PTPRG: variants seen among roughly 807,000 people sequenced by gnomAD.
The protein encoded by PTPRG is receptor-type tyrosine-protein phosphatase gamma.
In PTPRG, 102 loss-of-function variants were observed where a neutral mutation model predicts 165.3. The observed-to-expected ratio is 0.62, with a 90% CI of 0.53 to 0.73. The LOEUF (loss-of-function observed/expected upper bound fraction) is 0.73. PTPRG is among the 30% of genes least tolerant of loss of function. PTPRG has a pLI of 0.00. For synonymous variants in PTPRG, 675 were observed against 669.5 expected, an observed-to-expected ratio of 1.01 and a Z score of -0.13; for missense variants, 1,866 against 1,861.4, an observed-to-expected ratio of 1.00 and a Z score of -0.05.
intron 1 of PTPRG, among the ~76,000 whole-genome samples, chr3:61,719,604 C>G (rs1033718960): frequency 2.6e-5 from 4 of 152,140 alleles, no homozygotes; most frequent in African/African-American, 9.7e-5. Context: ...CTGGCCCTTT[C>G]CTATTATGGT....
intron 1 of PTPRG, among the ~76,000 whole-genome samples, chr3:61,585,147 G>A (rs1045718673): frequency 3.3e-5 from 5 of 151,930 alleles, no homozygotes; most frequent in African/African-American, 1.2e-4. Flanking sequence ...CTGGTCTGAT[G>A]TCTGGCACCT....
rs78901553 is a variant in PTPRG at position 62,187,125 on chromosome 3, G to A, written c.1034-4344G>A. ...ATGAACCAGACAAGACAGAAAAGGC[G>A]CCAGCCTTGTGGAGCTTCCACCTAG... On this transcript the variant is annotated intron_variant, in intron 8 of 29. Coordinates refer to ENST00000474889, the MANE Select transcript of PTPRG (RefSeq NM_002841.4). 7.5e-4 allele frequency among the ~76,000 whole-genome samples: 114 copies of A among 152,368 alleles called. No individual in the cohort carries two copies. In the East Asian group the frequency reaches 0.019, roughly 26 times the overall value.
chr3:61,927,079 T>C (rs1383453616), intron 2 of PTPRG, among the ~76,000 whole-genome samples: 1 of 152,232 alleles, frequency 6.6e-6, no homozygotes, highest in Non-Finnish European at 1.5e-5. Flanking sequence ...ATTCTATTTC[T>C]GAATTCAGGA....
At position 62,255,608 on chromosome 3, in the gene PTPRG, TG is replaced by T. The variant is rs1394211459; in HGVS notation, c.2559+396del. ...ATAGCAGGTTTGGTGTCTGAGAAACTGGGTGCTGGCTTCATCAGTAGTGAGC... is the reference window on the plus strand; with the variant it reads ...ATAGCAGGTTTGGTGTCTGAGAAACTGGTGCTGGCTTCATCAGTAGTGAGC... On this transcript the variant is annotated intron_variant, in intron 16 of 29. Coordinates refer to ENST00000474889, the MANE Select transcript of PTPRG (RefSeq NM_002841.4). This position sits in a 1 kb window ranked among gnomAD's most constrained non-coding sequence, Gnocchi z 4.0. 6.6e-6 allele frequency among the ~76,000 whole-genome samples: 1 copy of T among 152,194 alleles called. No individual in the cohort carries two copies.
intron 7 of PTPRG, among the ~76,000 whole-genome samples, chr3:62,159,163 A>C (rs1013330321): frequency 2.7e-5 from 4 of 149,312 alleles, no homozygotes; most frequent in African/African-American, 7.4e-5. Context: ...CAATCTCTGC[A>C]AAAAAAAAAT....
At chr3:62,136,498 G>A (rs1223201076) in intron 6 of PTPRG, among the ~76,000 whole-genome samples, 1 of 152,190 alleles carries the variant, frequency 6.6e-6, no homozygotes, top group Admixed American at 6.6e-5. Context: ...GACCAGCTCA[G>A]TGGTTGGACT....
intron 2 of PTPRG, among the ~76,000 whole-genome samples, chr3:61,877,894 T>G (rs1275377781): frequency 2.0e-5 from 3 of 152,218 alleles, no homozygotes; most frequent in Admixed American, 2.0e-4. Flanking sequence ...GCCAGCATAA[T>G]TACTCAGAGT....
At chr3:62,284,989 T>G (rs1210500144) in intron 28 of PTPRG, among the ~76,000 whole-genome samples, 1 of 152,158 alleles carries the variant, frequency 6.6e-6, no homozygotes, top group East Asian at 1.9e-4. Flanking sequence ...AGTCACTCTC[T>G]GAGACTCTAA....
chr3:61,843,757 T>G (rs985834874), intron 2 of PTPRG, among the ~76,000 whole-genome samples: 9 of 151,500 alleles, frequency 5.9e-5, no homozygotes, highest in Non-Finnish European at 1.3e-4. Flanking sequence ...TCTAACAGAG[T>G]GAAAGTAAAA....
intron 1 of PTPRG, among the ~76,000 whole-genome samples, chr3:61,632,505 AT>A (rs1258444003): frequency 3.3e-5 from 5 of 152,118 alleles, no homozygotes; most frequent in African/African-American, 4.8e-5. Context: ...GAGGATGATA[AT>A]TTTGCTATAT....
chr3:61,802,669 G>A (rs1445023285), intron 2 of PTPRG, among the ~76,000 whole-genome samples: 1 of 152,004 alleles, frequency 6.6e-6, no homozygotes, highest in Non-Finnish European at 1.5e-5. Flanking sequence ...CCATTTATCA[G>A]TCCTGGGTAG....
At position 61,847,450 on chromosome 3, in the gene PTPRG, G is replaced by A. The variant is rs564595516; in HGVS notation, c.190+98468G>A. Among the ~76,000 whole-genome samples, 6 of 152,254 alleles carry A rather than the reference G, an allele frequency of 3.9e-5. No individual in the cohort carries two copies. The South Asian group carries it at 6.2e-4, about 16-fold the overall frequency. ...CCTCCAGAGCTGTGAGACAACAACT[G>A]TTGTTTTAGGCACCCAGTTTGTGGT... On this transcript the variant is annotated intron_variant, in intron 2 of 29. Transcript: ENST00000474889.
chr3:61,937,748 A>G (rs1025681271), intron 2 of PTPRG, among the ~76,000 whole-genome samples: 4 of 152,194 alleles, frequency 2.6e-5, no homozygotes, highest in Admixed American at 2.0e-4. Flanking sequence ...AAAGGAGAAC[A>G]TTGTGCTCAT....
chr3:62,165,695 A>G (rs1704946177), intron 7 of PTPRG, among the ~76,000 whole-genome samples: 1 of 152,148 alleles, frequency 6.6e-6, no homozygotes, highest in Non-Finnish European at 1.5e-5. Context: ...AAGGCAGAAA[A>G]AATTCCATGG....
At chr3:61,677,991 C>G (rs1194866102) in intron 1 of PTPRG, among the ~76,000 whole-genome samples, 3 of 152,078 alleles carry the variant, frequency 2.0e-5, no homozygotes, top group Non-Finnish European at 4.4e-5. Context: ...GTGCAGACAC[C>G]ACATTTGGTA....
intron 16 of PTPRG, among the ~76,000 whole-genome samples, chr3:62,259,948 GGGAATGT>G: frequency 6.6e-6 from 1 of 152,136 alleles, no homozygotes; most frequent in Non-Finnish European, 1.5e-5. Context: ...GCCTGGCTAA[GGGAATGT>G]GGAATCTCTC....
chr3:61,631,357 A>C (rs1701770617), intron 1 of PTPRG, among the ~76,000 whole-genome samples: 1 of 152,260 alleles, frequency 6.6e-6, no homozygotes, highest in Non-Finnish European at 1.5e-5. Context: ...AAATAGGTGA[A>C]TATAGTATGA....
chr3:62,019,489 C>A (rs2041631350), intron 4 of PTPRG, among the ~76,000 whole-genome samples: 1 of 125,280 alleles, frequency 8.0e-6, no homozygotes, highest in Non-Finnish European at 1.6e-5. Flanking sequence ...TGCCACTGTA[C>A]TCCAGCCTGG....
intron 2 of PTPRG, among the ~76,000 whole-genome samples, chr3:61,757,941 C>T (rs2033687586): frequency 6.6e-6 from 1 of 152,170 alleles, no homozygotes; most frequent in South Asian, 2.1e-4. Context: ...ATAATTAGAG[C>T]ACAGTGATTT....
Sources: allele counts gnomAD v4.1 joint callset (sites outside exome capture counted in the v4.1 genomes callset), GRCh38; gene constraint gnomAD v4.1.1; non-coding constraint Gnocchi (gnomAD v3.1); transcripts MANE v1.5; gene names NCBI Gene and HGNC (gene_info 2026-07-23, HGNC 2026-07-21).